The following NFKB1 variants were observed in gnomAD, a reference collection of about 807,000 sequenced individuals.
The protein encoded by NFKB1 is nuclear factor kappa B subunit 1, also known as nuclear factor NF-kappa-B p105 subunit.
NFKB1 carries 9 observed loss-of-function variants against 105.1 expected under a neutral mutation model. That is an observed-to-expected ratio of 0.09 (90% CI 0.05 to 0.15). The LOEUF is 0.15. Ranked by LOEUF, NFKB1 falls within the 10% of genes least tolerant of loss-of-function variation. The pLI, the probability that NFKB1 is intolerant of heterozygous loss-of-function variation, is 1.00. For missense variants in NFKB1, 830 were observed against 1,203.7 expected, an observed-to-expected ratio of 0.69 and a Z score of 4.59; for synonymous variants, 440 against 442.2, an observed-to-expected ratio of 1.00 and a Z score of 0.06.
At chr4:102,572,966 C>A (rs1240454840) in intron 6 of NFKB1, among the ~76,000 whole-genome samples, 6 of 152,092 alleles carry the variant, frequency 3.9e-5, no homozygotes, top group African/African-American at 1.2e-4. Context: ...GTTTTCATAG[C>A]TTTTTATTTT....
At position 102,530,434 on chromosome 4, in the gene NFKB1, T is replaced by C. The variant is rs1234499221; in HGVS notation, c.118+520T>C. Among the ~76,000 whole-genome samples, 3 of 152,294 alleles carry C rather than the reference T, an allele frequency of 2.0e-5. No individual in the cohort carries two copies. The East Asian group carries it at 5.8e-4, about 29-fold the overall frequency. On this transcript the variant is annotated intron_variant, in intron 3 of 23. Transcript: ENST00000226574. ...CTTCCTTCTACCATGACTGTATTAA[T>C]TGTGCCGATTGGCAACTGTTTAATT... is the stretch of plus-strand genomic sequence containing the variant.
chr4:102,580,771 G>C, intron 9 of NFKB1, 132 bp downstream of exon 9: 1 of 645,754 alleles, frequency 1.5e-6, no homozygotes, highest in Non-Finnish European at 2.6e-6. Flanking sequence ...GTCTTAAAAA[G>C]CATTTACGTT....
At chr4:102,502,390 G>GCGCACACACACACACACACACACA (rs1311577382) in intron 1 of NFKB1, among the ~76,000 whole-genome samples, 6 of 105,396 alleles carry the variant, frequency 5.7e-5, no homozygotes, top group African/African-American at 2.5e-4. Context: ...GCGCGCGCGC[G>GCGCACACACACACACACACACACA]CACACACACA....
At chr4:102,516,958 C>A (rs548004102) in intron 1 of NFKB1, among the ~76,000 whole-genome samples, 1 of 152,166 alleles carries the variant, frequency 6.6e-6, no homozygotes, top group African/African-American at 2.4e-5. Context: ...TGATGTCTTT[C>A]CACCCTGGAT....
Position 102,596,191 on chromosome 4 carries a change from G to A in NFKB1, c.1354G>A (p.Asp452Asn). The change falls in exon 14 of 24, where the codon GAC becomes AAC. Residue 452 changes from aspartate to asparagine, a missense_variant. Physicochemically the swap from Asp to Asn is conservative, Grantham distance 23. Around this residue, in one of 8 missense-constraint regions of NFKB1, gnomAD observed 163 missense variants for 164.3 expected, o/e 0.99. Coordinates refer to ENST00000226574, the MANE Select transcript of NFKB1 (RefSeq NM_003998.4). ...CCCTGAAGGTTGTGACAAAAGTGAT[G>A]ACAAAAACACTGTAAACCTCTTTGG... Reference protein sequence around the residue: ...KDPEGCDKSDDKNTVNLFGKV... With the variant: ...KDPEGCDKSDNKNTVNLFGKV... 6.2e-7 allele frequency: 1 copy of A among 1,612,688 alleles called. No homozygotes were observed. Among genetic ancestry groups the A allele is most frequent in the Non-Finnish European group, 8.5e-7 (1 of 1,179,000 alleles).
chr4:102,584,591 A>G (rs1439383295), intron 10 of NFKB1, 91 bp from the exon 11 acceptor site: 2 of 1,294,634 alleles, frequency 1.5e-6, no homozygotes, highest in South Asian at 1.8e-5. Context: ...GTATAAAGAA[A>G]AGCATAAGGA....
At chr4:102,605,746 G>GT (rs1727662753) in intron 16 of NFKB1, among the ~76,000 whole-genome samples, 1 of 152,146 alleles carries the variant, frequency 6.6e-6, no homozygotes, top group East Asian at 1.9e-4. Context: ...TGAGATACTT[G>GT]TATTATCCTG....
chr4:102,616,861 C>T lies in NFKB1; in HGVS notation c.*267C>T, dbSNP rs1040122903. 6 of 312,116 alleles carry T rather than the reference C, an allele frequency of 1.9e-5. No homozygotes were observed. The highest frequency in any genetic ancestry group is 1.3e-4 in the African/African-American group (6 of 47,610). The allele number at this position is 312,116 out of a possible 1,614,324, so 19.3% of individuals were successfully genotyped here. ...GGATGAGGTTGCTTACTAAGCTTTGCCAGCTGCTGCTGGATCACAGCTGCT... is the reference window on the plus strand; with the variant it reads ...GGATGAGGTTGCTTACTAAGCTTTGTCAGCTGCTGCTGGATCACAGCTGCT... On this transcript the variant is annotated 3_prime_UTR_variant, in exon 24 of 24. Coordinates refer to ENST00000226574, the MANE Select transcript of NFKB1 (RefSeq NM_003998.4).
In NFKB1 at chr4:102,528,593, AG is replaced by A. The variant is rs1162220317; in HGVS notation, c.40-1242del. On this transcript the variant is annotated intron_variant, in intron 2 of 23. Coordinates refer to ENST00000226574, the MANE Select transcript of NFKB1 (RefSeq NM_003998.4). ...GAAAAGCTAGTTCAGCACACTTACTAGTCTCTCATAAAAAGTAAAATATGGC... is the reference window on the plus strand; with the variant it reads ...GAAAAGCTAGTTCAGCACACTTACTATCTCTCATAAAAAGTAAAATATGGC... 2.0e-5 allele frequency among the ~76,000 whole-genome samples: 3 copies of A among 152,186 alleles called. No individual in the cohort carries two copies. In the East Asian group the frequency reaches 5.8e-4, roughly 29 times the overall value.
At chr4:102,514,124 G>A (rs997344200) in intron 1 of NFKB1, among the ~76,000 whole-genome samples, 5 of 151,596 alleles carry the variant, frequency 3.3e-5, no homozygotes, top group African/African-American at 7.3e-5. Flanking sequence ...GCAGTGAGCC[G>A]AGATGGCGCC....
chr4:102,614,322 G>A (rs545221586), intron 23 of NFKB1, among the ~76,000 whole-genome samples: 2 of 152,140 alleles, frequency 1.3e-5, no homozygotes, highest in South Asian at 4.2e-4. Context: ...CCTTTACTAG[G>A]TTGTTGTTCC....
In NFKB1 at chr4:102,613,599, A is replaced by C; in HGVS notation, c.2749+18A>C. ...GCAAATAGGTAAAAAAAAAGACAAA[A>C]GACAGTGGAGATATTTTCCAGCTCC... On this transcript the variant is annotated intron_variant, in intron 23 of 23. Transcript: ENST00000226574. The C allele has an allele frequency of 6.2e-7, 1 of 1,607,824 alleles. No individual in the cohort carries two copies. The highest frequency in any genetic ancestry group is 8.5e-7 in the Non-Finnish European group (1 of 1,176,656).
chr4:102,604,328 C>CA (rs1727486921), intron 16 of NFKB1, among the ~76,000 whole-genome samples: 2 of 152,038 alleles, frequency 1.3e-5, no homozygotes, highest in South Asian at 4.2e-4. Flanking sequence ...AAGGAGGTTA[C>CA]AAAAACGTAC....
At chr4:102,522,406 G>A (rs1275537639) in intron 1 of NFKB1, among the ~76,000 whole-genome samples, 1 of 152,132 alleles carries the variant, frequency 6.6e-6, no homozygotes, top group Non-Finnish European at 1.5e-5. Context: ...CTGCTGTTAG[G>A]CTTTTGAAAC....
At chr4:102,548,945 G>T (rs553247827) in intron 5 of NFKB1, among the ~76,000 whole-genome samples, 1 of 152,122 alleles carries the variant, frequency 6.6e-6, no homozygotes, top group South Asian at 2.1e-4. Flanking sequence ...ACAATATTCT[G>T]AGGCTCTGGG....
intron 5 of NFKB1, among the ~76,000 whole-genome samples, chr4:102,551,578 T>G (rs911069506): frequency 6.6e-5 from 10 of 152,128 alleles, no homozygotes; most frequent in African/African-American, 2.4e-4. Context: ...ACCTACATCA[T>G]TGTCTTCTAT....
At chr4:102,599,610 A>C (rs1365924694) in intron 15 of NFKB1, among the ~76,000 whole-genome samples, 1 of 152,152 alleles carries the variant, frequency 6.6e-6, no homozygotes, top group South Asian at 2.1e-4. Context: ...TGTATCCCCT[A>C]TGCAGGATTG....
chr4:102,601,081 G>T, intron 16 of NFKB1, 72 bp downstream of exon 16: 3 of 952,610 alleles, frequency 3.1e-6, no homozygotes, highest in Non-Finnish European at 1.6e-6. Flanking sequence ...ATGTTTGGGT[G>T]CATGTTATTT....
In NFKB1 at chr4:102,528,573, G is replaced by A. The variant is rs1052425755; in HGVS notation, c.40-1263G>A. ...TACTGGCTACTAAAAGAAACGAAAA[G>A]CTAGTTCAGCACACTTACTAGTCTC... On this transcript the variant is annotated intron_variant, in intron 2 of 23. Transcript: ENST00000226574. Among the ~76,000 whole-genome samples, 3 of 152,030 alleles carry A rather than the reference G, an allele frequency of 2.0e-5. No homozygotes were observed. The East Asian group carries it at 5.8e-4, about 29-fold the overall frequency.
Sources: gnomAD v4.1 joint callset for allele counts (sites outside exome capture counted in the v4.1 genomes callset) on GRCh38, gnomAD v4.1.1 for gene constraint, gnomAD v4.1.1 regional missense constraint, MANE v1.5 for transcripts, NCBI Gene and HGNC (gene_info 2026-07-23, HGNC 2026-07-21) for gene names.